Variants in ATP2A2 observed in about 807,000 individuals in gnomAD.
ATP2A2 encodes the protein ATPase sarcoplasmic/endoplasmic reticulum Ca2+ transporting 2, also known as sarcoplasmic/endoplasmic reticulum calcium ATPase 2.
ATP2A2 carries 14 observed loss-of-function variants against 109.3 expected under a neutral mutation model. The ratio of observed to expected loss-of-function variants is 0.13; its 90% CI spans 0.08 to 0.20. The LOEUF is 0.20. Ranked by LOEUF, ATP2A2 falls within the 10% of genes least tolerant of loss-of-function variation. The pLI is 1.00. For missense variants in ATP2A2, 657 were observed against 1,321.6 expected, an observed-to-expected ratio of 0.50 and a Z score of 7.80; for synonymous variants, 506 against 490.9, an observed-to-expected ratio of 1.03 and a Z score of -0.41.
At position 110,346,510 on chromosome 12, in the gene ATP2A2, T is replaced by C. The variant is rs199905243; in HGVS notation, c.*40T>C. The C allele has an allele frequency of 1.4e-5, 22 of 1,611,658 alleles. No homozygotes were observed. In the East Asian group the frequency reaches 4.3e-4, roughly 31 times the overall value. On this transcript the variant is annotated 3_prime_UTR_variant, in exon 20 of 20. Transcript: ENST00000539276. ...TAAAGAAGATGTTTAACTTAATCAA[T>C]TAATTTTTTTATTGTTTAAAGCAAC...
At chr12:110,289,125 G>T (rs7138614) in intron 3 of ATP2A2, among the ~76,000 whole-genome samples, 183 of 152,254 alleles carry the variant, frequency 1.2e-3, no homozygotes, top group African/African-American at 4.3e-3. Context: ...AGCTATCAGG[G>T]GATGTTGCTT....
chr12:110,347,236 A>G lies in ATP2A2; in HGVS notation c.*766A>G, dbSNP rs1566244605. On this transcript the variant is annotated 3_prime_UTR_variant, in exon 20 of 20. Transcript: ENST00000539276. ...TAAATGTCTAATGTATTTTATTGTA[A>G]CAGACATTGTTTTGCCAACATTGCC... 2.5e-6 allele frequency: 3 copies of G among 1,210,944 alleles called. No individual in the cohort carries two copies. Among genetic ancestry groups the G allele is most frequent in the Non-Finnish European group, 2.1e-6 (2 of 952,442 alleles). The allele number at this position is 1,210,944 out of a possible 1,614,324, so 75.0% of individuals were successfully genotyped here. A position where few individuals can be genotyped will look rare whatever the true frequency, so the allele number is the denominator to read the frequency against.
At chr12:110,341,068 A>AT in intron 14 of ATP2A2, 74 bp downstream of exon 14, 2 of 1,526,446 alleles carry the variant, frequency 1.3e-6, no homozygotes, top group South Asian at 1.2e-5. Flanking sequence ...TGACCACTGA[A>AT]TTTTTTTGTC....
At chr12:110,289,608 G>A (rs192998372) in intron 3 of ATP2A2, among the ~76,000 whole-genome samples, 23 of 151,944 alleles carry the variant, frequency 1.5e-4, no homozygotes, top group African/African-American at 4.3e-4. Flanking sequence ...TATTCATGCC[G>A]TCTTCTAATG....
At position 110,281,569 on chromosome 12, in the gene ATP2A2, A is replaced by G. The variant is rs1340802398; in HGVS notation, c.-221A>G. ...AGGGAGGGTGGGTCAGGAGCCCCCA[A>G]CCCGCCCTGCGGAGCTCGGGGCCGC... On this transcript the variant is annotated 5_prime_UTR_variant, in exon 1 of 20. Coordinates refer to ENST00000539276, the MANE Select transcript of ATP2A2 (RefSeq NM_170665.4). 7 of 307,318 alleles carry G rather than the reference A, an allele frequency of 2.3e-5. No homozygotes were observed. The highest frequency in any genetic ancestry group is 5.4e-5 in the Admixed American group (1 of 18,614). 19.0% of individuals were successfully genotyped at this position (307,318 alleles called of 1,614,324 possible). A position where few individuals can be genotyped will look rare whatever the true frequency, so the allele number is the denominator to read the frequency against.
intron 4 of ATP2A2, among the ~76,000 whole-genome samples, chr12:110,292,449 G>A (rs148390710): frequency 5.4e-4 from 82 of 151,930 alleles, no homozygotes; most frequent in African/African-American, 1.8e-3. Context: ...GTATTTTTTG[G>A]TAAGAGACAG....
chr12:110,283,329 C>T (rs1432847500), intron 3 of ATP2A2, among the ~76,000 whole-genome samples: 1 of 152,082 alleles, frequency 6.6e-6, no homozygotes, highest in Non-Finnish European at 1.5e-5. Context: ...GTATATTTAT[C>T]TAAATTGGAC....
intron 4 of ATP2A2, among the ~76,000 whole-genome samples, chr12:110,294,831 T>G (rs1873790112): frequency 6.6e-6 from 1 of 152,030 alleles, no homozygotes; most frequent in Non-Finnish European, 1.5e-5. Context: ...AGGGCTTTAT[T>G]TTTTTTAAGA....
In ATP2A2 at chr12:110,332,783, T is replaced by C. The variant is rs76395994; in HGVS notation, c.1184+98T>C. Reference sequence around the variant, plus strand: ...TACAAAGTTAAGACAGCTTTCTGAATGTGGCTCAAGTCAACACTTATTACT... The same window carrying C: ...TACAAAGTTAAGACAGCTTTCTGAACGTGGCTCAAGTCAACACTTATTACT... On this transcript the variant is annotated intron_variant, in intron 9 of 19. Coordinates refer to ENST00000539276, the MANE Select transcript of ATP2A2 (RefSeq NM_170665.4). The C allele has an allele frequency of 6.2e-3, 6,944 of 1,124,700 alleles. 323 individuals are homozygous for C. In the African/African-American group the frequency reaches 0.095, roughly 15 times the overall value. 69.7% of individuals were successfully genotyped at this position (1,124,700 alleles called of 1,614,324 possible).
intron 17 of ATP2A2, 42 bp from the exon 18 acceptor site, chr12:110,345,207 A>G: frequency 2.5e-6 from 4 of 1,614,008 alleles, no homozygotes; most frequent in Non-Finnish European, 3.4e-6. Context: ...GGACTTGGGA[A>G]ATATACTGGG....
intron 3 of ATP2A2, among the ~76,000 whole-genome samples, chr12:110,288,719 C>G (rs1163600736): frequency 6.6e-6 from 1 of 152,140 alleles, no homozygotes; most frequent in Non-Finnish European, 1.5e-5. Context: ...ACAGATAATT[C>G]TTTATATTCA....
At chr12:110,334,508 G>A (rs1046785158) in intron 11 of ATP2A2, among the ~76,000 whole-genome samples, 1 of 150,242 alleles carries the variant, frequency 6.7e-6, no homozygotes, top group Non-Finnish European at 1.5e-5. Context: ...AAATAATAGT[G>A]TCTTTCTATC....
chr12:110,290,087 A>G (rs536102734), intron 3 of ATP2A2, among the ~76,000 whole-genome samples: 6 of 152,356 alleles, frequency 3.9e-5, no homozygotes, highest in African/African-American at 1.4e-4. Context: ...GTGTTGCTGT[A>G]TAAATGTCAT....
In ATP2A2 at chr12:110,350,274, T is replaced by G. The variant is rs368342942; in HGVS notation, c.*3804T>G. On this transcript the variant is annotated 3_prime_UTR_variant, in exon 20 of 20. Transcript: ENST00000539276. ...TCTGTATTTCATGAAGCTGATTTCC[T>G]CTCTCTTTCCTTTTCAGCAATACTG... 1.2e-6 allele frequency: 2 copies of G among 1,613,950 alleles called. No homozygotes were observed. The highest frequency in any genetic ancestry group is 2.7e-5 in the African/African-American group (2 of 74,950).
At chr12:110,286,790 T>C in intron 3 of ATP2A2, among the ~76,000 whole-genome samples, 1 of 152,198 alleles carries the variant, frequency 6.6e-6, no homozygotes. Context: ...CTGAGAATAC[T>C]AGGAGCAAAA....
At chr12:110,324,717 G>T (rs1283652437) in intron 6 of ATP2A2, among the ~76,000 whole-genome samples, 5 of 152,114 alleles carry the variant, frequency 3.3e-5, no homozygotes, top group Admixed American at 2.6e-4. Context: ...AACTTTTTAG[G>T]CTGGTCACGG....
Position 110,345,990 on chromosome 12 carries a change from T to G in ATP2A2, c.2742-11T>G, listed in dbSNP as rs1879817602. ...TGGGGGTGCGTTTCCCCACCTCTCC[T>G]TGCTCTGCAGCTTGTCCGAAAACCA... is the stretch of plus-strand genomic sequence containing the variant. On this transcript the variant is annotated splice_polypyrimidine_tract_variant and intron_variant, in intron 18 of 19. Coordinates refer to ENST00000539276, the MANE Select transcript of ATP2A2 (RefSeq NM_170665.4). 1 of 1,613,914 alleles carries G rather than the reference T, an allele frequency of 6.2e-7. No individual in the cohort carries two copies. Among genetic ancestry groups the G allele is most frequent in the Non-Finnish European group, 8.5e-7 (1 of 1,179,924 alleles).
rs1393436443 is a variant in ATP2A2, at chr12:110,340,539, A to C, written c.1762-120A>C. 5.6e-6 allele frequency: 2 copies of C among 357,792 alleles called. No individual in the cohort carries two copies. Among genetic ancestry groups the C allele is most frequent in the Non-Finnish European group, 8.7e-6 (2 of 229,242 alleles). The allele number at this position is 357,792 out of a possible 1,614,324, so 22.2% of individuals were successfully genotyped here. On this transcript the variant is annotated intron_variant, in intron 13 of 19. Transcript: ENST00000539276. The surrounding 1 kb of genome is among the most constrained non-coding windows in gnomAD (Gnocchi z 6.0). ...GGCAACAAGAGCGAAACTCCGCCTC[A>C]AAAAAAAAAAAAGAAAAAAAATGCA...
At chr12:110,304,528 C>G (rs974852065) in intron 5 of ATP2A2, among the ~76,000 whole-genome samples, 6 of 152,140 alleles carry the variant, frequency 3.9e-5, no homozygotes, top group Non-Finnish European at 5.9e-5. Context: ...TCCCTAATTT[C>G]TTAATGATGT....
Sources: allele counts gnomAD v4.1 joint callset (sites outside exome capture counted in the v4.1 genomes callset), GRCh38; gene constraint gnomAD v4.1.1; non-coding constraint Gnocchi (gnomAD v3.1); transcripts MANE v1.5; gene names NCBI Gene and HGNC (gene_info 2026-07-23, HGNC 2026-07-21).